ARHGEF9: variants seen among roughly 807,000 people sequenced by gnomAD.
The protein encoded by ARHGEF9 is Cdc42 guanine nucleotide exchange factor 9.
A neutral mutation model predicts 41.3 loss-of-function variants in ARHGEF9; 2 were observed. The ratio of observed to expected loss-of-function variants is 0.05; its 90% CI spans 0.02 to 0.15. The LOEUF is 0.15. ARHGEF9 is among the 10% of genes least tolerant of loss of function. The probability of loss-of-function intolerance (pLI) is 1.00; values close to 1 mark genes in which losing one functional copy is unlikely to be tolerated. For synonymous variants in ARHGEF9, 160 were observed against 154.4 expected (o/e 1.04, Z -0.27); for missense variants, 225 against 424.7 (o/e 0.53, Z 4.13).
intron 1 of ARHGEF9, among the ~76,000 whole-genome samples, chrX:63,769,317 GA>G (rs1474093249): frequency 1.8e-5 from 2 of 109,284 alleles, no homozygotes; most frequent in African/African-American, 3.3e-5. Context: ...GGTATCAGGT[GA>G]AAAAAAAATT....
At chrX:63,766,436 G>T (rs1316950846) in intron 1 of ARHGEF9, among the ~76,000 whole-genome samples, 1 of 111,755 alleles carries the variant, frequency 8.9e-6, no homozygotes, top group Non-Finnish European at 1.9e-5. Flanking sequence ...TCTTACCTGG[G>T]CCAAAAGAAA....
In ARHGEF9 at chrX:63,661,166, C is replaced by CTAT. The variant is rs1437763651; in HGVS notation, c.1077+4717_1077+4719dup. Among the ~76,000 whole-genome samples the CTAT allele has an allele frequency of 4.5e-5, 5 of 112,332 alleles. No homozygotes were observed. In the Admixed American group the frequency reaches 4.7e-4, roughly 11 times the overall value. Reference sequence around the variant, plus strand: ...TTCTGCTCCAGCCCCATCTCTGTTGCTATTATTGGATTTATAAGCTGTCCC... The same window carrying CTAT: ...TTCTGCTCCAGCCCCATCTCTGTTGCTATTATTATTGGATTTATAAGCTGTCCC... On this transcript the variant is annotated intron_variant, in intron 7 of 9. Coordinates refer to ENST00000671741, the MANE Select transcript of ARHGEF9 (RefSeq NM_001353921.2).
At chrX:63,661,633 A>G (rs1168005156) in intron 7 of ARHGEF9, among the ~76,000 whole-genome samples, 1 of 112,075 alleles carries the variant, frequency 8.9e-6, no homozygotes, top group South Asian at 3.8e-4. Flanking sequence ...AAGTTAAAAG[A>G]GTGGTGACAG....
At chrX:63,774,824 G>A (rs1177975086) in intron 1 of ARHGEF9, among the ~76,000 whole-genome samples, 1 of 111,955 alleles carries the variant, frequency 8.9e-6, no homozygotes, top group East Asian at 2.8e-4. Context: ...GTTAACATAT[G>A]CAACTAATCA....
At chrX:63,638,388 T>C (rs1300008382) in intron 9 of ARHGEF9, among the ~76,000 whole-genome samples, 179 bp from the exon 10 acceptor site, 2 of 112,071 alleles carry the variant, frequency 1.8e-5, no homozygotes, top group African/African-American at 6.5e-5. Flanking sequence ...TGGAATACCA[T>C]GGCTACTATT....
chrX:63,638,685 G>T, intron 9 of ARHGEF9: 1 of 304,013 alleles, frequency 3.3e-6, no homozygotes, highest in Non-Finnish European at 5.8e-6. Flanking sequence ...AAAGAGCCTG[G>T]TTAAGAACTA....
chrX:63,721,601 T>C (rs1167687042), intron 2 of ARHGEF9, among the ~76,000 whole-genome samples: 2 of 110,549 alleles, frequency 1.8e-5, no homozygotes, highest in East Asian at 5.7e-4. Context: ...GAAAAGAGCC[T>C]GAATGACTTG....
At chrX:63,760,834 GA>G (rs1471720082) in intron 1 of ARHGEF9, among the ~76,000 whole-genome samples, 5 of 111,588 alleles carry the variant, frequency 4.5e-5, no homozygotes, top group Non-Finnish European at 9.4e-5. Flanking sequence ...TATTTTAAAA[GA>G]GTAACTATAC....
chrX:63,751,851 C>T (rs1401144649), intron 1 of ARHGEF9, among the ~76,000 whole-genome samples: 1 of 109,782 alleles, frequency 9.1e-6, no homozygotes, highest in African/African-American at 3.3e-5. Flanking sequence ...CCCACACACC[C>T]CCATGAACAT....
rs1336237979 is a variant in ARHGEF9 at position 63,740,549 on chromosome X, G to C, written c.31-15838C>G. 2.7e-5 allele frequency among the ~76,000 whole-genome samples: 3 copies of C among 112,395 alleles called. 1 individual carries two copies. In the Admixed American group the frequency reaches 2.8e-4, roughly 11 times the overall value. On this transcript the variant is annotated intron_variant, in intron 1 of 9. Transcript: ENST00000671741. ...AAGCAAGTAAGACTCAGACAGCAGA[G>C]GGGAACGTGACTGAGACACACTGTA...
At chrX:63,647,522 C>T (rs1261368968) in intron 8 of ARHGEF9, among the ~76,000 whole-genome samples, 1 of 111,458 alleles carries the variant, frequency 9.0e-6, no homozygotes, top group African/African-American at 3.3e-5. Flanking sequence ...TGTTTATATG[C>T]TGGATTACAT....
intron 1 of ARHGEF9, among the ~76,000 whole-genome samples, chrX:63,769,301 A>T (rs1466781559): frequency 1.8e-5 from 2 of 111,206 alleles, no homozygotes; most frequent in Non-Finnish European, 3.8e-5. Context: ...AAAAAAAAAA[A>T]TTTAGGGTAT....
chrX:63,639,356 G>C (rs1556302993), intron 9 of ARHGEF9: 1 of 111,842 alleles, frequency 8.9e-6, no homozygotes. Context: ...AGGGAATTTT[G>C]TTACTAATTT....
chrX:63,768,587 T>C lies in ARHGEF9; in HGVS notation c.30+16529A>G, dbSNP rs1291145100. On this transcript the variant is annotated intron_variant, in intron 1 of 9. Transcript: ENST00000671741. Reference sequence around the variant, plus strand: ...TTTCCATAGAGGTTGTACTAATGTATACAATATTGTTTGACTCTGTGTCAC... The same window carrying C: ...TTTCCATAGAGGTTGTACTAATGTACACAATATTGTTTGACTCTGTGTCAC... Among the ~76,000 whole-genome samples, 10 of 112,277 alleles carry C rather than the reference T, an allele frequency of 8.9e-5. No homozygotes were observed. The Admixed American group carries it at 9.4e-4, about 11-fold the overall frequency.
rs782556201 is a variant in ARHGEF9, at chrX:63,747,626, G to A, written c.31-22915C>T. ...AATATTGATGCCAGGAAACCACTAT[G>A]ATCAACTCAATCAGATCTCTCCCAA... On this transcript the variant is annotated intron_variant, in intron 1 of 9. Transcript: ENST00000671741. 9.8e-5 allele frequency among the ~76,000 whole-genome samples: 11 copies of A among 111,874 alleles called. No individual in the cohort carries two copies. In the South Asian group the frequency reaches 4.1e-3, roughly 42 times the overall value.
chrX:63,709,046 C>T (rs1171391759), intron 2 of ARHGEF9: 1 of 112,183 alleles, frequency 8.9e-6, no homozygotes, highest in African/African-American at 3.2e-5. Context: ...TGACACAGGT[C>T]AGCCCATATG....
rs184433073 is a variant in ARHGEF9 at position 63,782,253 on chromosome X, G to A, written c.30+2863C>T. Among the ~76,000 whole-genome samples the A allele has an allele frequency of 5.5e-3, 608 of 111,392 alleles. 4 individuals are homozygous for A. The highest frequency in any genetic ancestry group is 0.018 in the Middle Eastern group (4 of 218). Reference sequence around the variant, plus strand: ...CTACATTTGTGTTGAATAAATTAATGACCCGATAGTACCTATAAAAAGGCA... The same window carrying A: ...CTACATTTGTGTTGAATAAATTAATAACCCGATAGTACCTATAAAAAGGCA... On this transcript the variant is annotated intron_variant, in intron 1 of 9. Transcript: ENST00000671741.
intron 8 of ARHGEF9, among the ~76,000 whole-genome samples, chrX:63,653,166 C>T (rs553225816): frequency 3.6e-5 from 4 of 111,694 alleles, no homozygotes; most frequent in East Asian, 5.6e-4. Context: ...TCTGGATGGA[C>T]CTGACTGAAT....
intron 1 of ARHGEF9, chrX:63,727,177 T>TA (rs1283769661): frequency 8.9e-6 from 1 of 111,846 alleles, no homozygotes; most frequent in African/African-American, 3.3e-5. Context: ...AGTATCTCAG[T>TA]ATCAATTACC....
Sources: allele counts gnomAD v4.1 joint callset (sites outside exome capture counted in the v4.1 genomes callset), GRCh38; gene constraint gnomAD v4.1.1; transcripts MANE v1.5; gene names NCBI Gene and HGNC (gene_info 2026-07-23, HGNC 2026-07-21).